Variants in GRM5 observed in about 807,000 individuals in gnomAD.
GRM5 encodes the protein metabotropic glutamate receptor 5.
Under a neutral mutation model 83.1 loss-of-function variants are expected in GRM5, and 19 were observed. That is an observed-to-expected ratio of 0.23 (90% CI 0.16 to 0.34). GRM5 has a LOEUF of 0.34. Ranked by LOEUF, GRM5 falls within the 10% of genes least tolerant of loss-of-function variation. The probability of loss-of-function intolerance (pLI) is 1.00; values close to 1 mark genes in which losing one functional copy is unlikely to be tolerated. For missense variants in GRM5, 1,160 were observed against 1,588.3 expected (o/e 0.73, Z 4.58); for synonymous variants, 675 against 633.6 (o/e 1.07, Z -0.98).
intron 3 of GRM5, among the ~76,000 whole-genome samples, chr11:88,824,790 T>A (rs868125392): frequency 2.6e-5 from 4 of 152,156 alleles, no homozygotes; most frequent in African/African-American, 9.7e-5. Context: ...TGGGGACCCC[T>A]GCTCTAAATA....
At chr11:88,974,881 T>C (rs1168261231) in intron 2 of GRM5, among the ~76,000 whole-genome samples, 2 of 152,172 alleles carry the variant, frequency 1.3e-5, no homozygotes, top group African/African-American at 2.4e-5. Flanking sequence ...TAATTAGGTG[T>C]AAGAAGTGAT....
chr11:88,748,914 A>C (rs1162047011), intron 3 of GRM5, among the ~76,000 whole-genome samples: 1 of 152,194 alleles, frequency 6.6e-6, no homozygotes, highest in Non-Finnish European at 1.5e-5. Flanking sequence ...ACATCAACAG[A>C]GAAACCCCAC....
chr11:89,026,704 A>G (rs1227868999), intron 2 of GRM5, among the ~76,000 whole-genome samples: 1 of 152,232 alleles, frequency 6.6e-6, no homozygotes, highest in Non-Finnish European at 1.5e-5. Context: ...ATTATTTCTC[A>G]TATTCTAAGC....
intron 2 of GRM5, among the ~76,000 whole-genome samples, chr11:89,022,471 T>C (rs1228916471): frequency 2.3e-5 from 3 of 130,848 alleles, no homozygotes; most frequent in Non-Finnish European, 3.2e-5. Context: ...TGAAACTCCG[T>C]CCCTACTAAA....
At position 88,605,011 on chromosome 11, in the gene GRM5, T is replaced by G. The variant is rs202069591; in HGVS notation, c.1148-47A>C. ...ATAGCTTTGAGGTACAAATCTACTCTCGCGACATTCCTGGGTACTGAATAA... is the reference window on the plus strand; with the variant it reads ...ATAGCTTTGAGGTACAAATCTACTCGCGCGACATTCCTGGGTACTGAATAA... On this transcript the variant is annotated intron_variant, in intron 4 of 9. Coordinates refer to ENST00000305447, the MANE Select transcript of GRM5 (RefSeq NM_001143831.3). The G allele has an allele frequency of 2.6e-6, 4 of 1,512,212 alleles. No individual in the cohort carries two copies. The Admixed American group carries it at 5.0e-5, about 19-fold the overall frequency. 93.7% of individuals were successfully genotyped at this position (1,512,212 alleles called of 1,614,324 possible). A position where few individuals can be genotyped will look rare whatever the true frequency, so the allele number is the denominator to read the frequency against.
chr11:88,702,189 T>C (rs1262403422), intron 3 of GRM5, among the ~76,000 whole-genome samples: 1 of 152,124 alleles, frequency 6.6e-6, no homozygotes, highest in Non-Finnish European at 1.5e-5. Context: ...TAACTATATC[T>C]ACCATATAGC....
intron 2 of GRM5, among the ~76,000 whole-genome samples, chr11:88,981,050 G>T (rs1446085598): frequency 6.6e-6 from 1 of 151,814 alleles, no homozygotes; most frequent in Admixed American, 6.6e-5. Context: ...CTATGGTTAG[G>T]AACTATTTTT....
chr11:89,045,091 C>G (rs1222108921), intron 2 of GRM5, among the ~76,000 whole-genome samples: 1 of 152,212 alleles, frequency 6.6e-6, no homozygotes, highest in Non-Finnish European at 1.5e-5. Flanking sequence ...AGTAAGCAAA[C>G]GAGTATTTCT....
intron 2 of GRM5, among the ~76,000 whole-genome samples, chr11:89,038,777 C>A (rs1026183081): frequency 6.6e-6 from 1 of 152,168 alleles, no homozygotes; most frequent in Admixed American, 6.5e-5. Context: ...TCCTACTTTT[C>A]CTTGGAGCCA....
At chr11:88,587,812 T>A (rs942340550) in intron 7 of GRM5, among the ~76,000 whole-genome samples, 12 of 152,198 alleles carry the variant, frequency 7.9e-5, no homozygotes, top group African/African-American at 2.9e-4. Context: ...CATGCTTTTT[T>A]AATCCAATCA....
intron 2 of GRM5, among the ~76,000 whole-genome samples, chr11:89,029,799 G>A (rs2135122971): frequency 6.6e-6 from 1 of 152,146 alleles, no homozygotes; most frequent in African/African-American, 2.4e-5. Flanking sequence ...CTACTAAATT[G>A]TTTACAAAAC....
intron 6 of GRM5, among the ~76,000 whole-genome samples, chr11:88,596,889 A>C (rs1160602698): frequency 6.6e-6 from 1 of 152,036 alleles, no homozygotes; most frequent in African/African-American, 2.4e-5. Flanking sequence ...AATAAATTAG[A>C]ATTAGTGTCT....
chr11:88,984,822 CA>C (rs1485056391), intron 2 of GRM5: 1 of 739,374 alleles, frequency 1.4e-6, no homozygotes, highest in Non-Finnish European at 2.5e-6. Flanking sequence ...TCCAGGGCAT[CA>C]TATACTAAAG....
intron 7 of GRM5, among the ~76,000 whole-genome samples, chr11:88,580,488 AT>A (rs1198586618): frequency 4.6e-5 from 7 of 152,114 alleles, no homozygotes; most frequent in Non-Finnish European, 1.0e-4. Context: ...TGGGAAGGTT[AT>A]TTTTTTATTT....
intron 7 of GRM5, among the ~76,000 whole-genome samples, chr11:88,573,332 A>C (rs995207266): frequency 1.3e-5 from 2 of 152,216 alleles, no homozygotes. Context: ...GTGACTCCTC[A>C]TTCACAGCTG....
chr11:88,640,330 T>A (rs1293802648), intron 4 of GRM5, among the ~76,000 whole-genome samples: 1 of 152,208 alleles, frequency 6.6e-6, no homozygotes, highest in East Asian at 1.9e-4. Context: ...ATGGTGCTAA[T>A]CAGTGTTAAA....
intron 6 of GRM5, among the ~76,000 whole-genome samples, chr11:88,592,518 C>T (rs1937665005): frequency 6.6e-6 from 1 of 152,142 alleles, no homozygotes; most frequent in South Asian, 2.1e-4. Flanking sequence ...CAAATAAAAG[C>T]AGTTGCATTT....
At chr11:89,030,361 T>C (rs937358956) in intron 2 of GRM5, among the ~76,000 whole-genome samples, 7 of 152,078 alleles carry the variant, frequency 4.6e-5, no homozygotes, top group Non-Finnish European at 1.0e-4. Context: ...AATCTCAAAA[T>C]ATCAACACCA....
chr11:89,055,465 A>G (rs1009454618), intron 1 of GRM5, among the ~76,000 whole-genome samples: 34 of 152,264 alleles, frequency 2.2e-4, no homozygotes, highest in African/African-American at 7.7e-4. Context: ...TTCATTACCA[A>G]GCTAATATTG....
Sources: allele counts gnomAD v4.1 joint callset (sites outside exome capture counted in the v4.1 genomes callset), GRCh38; gene constraint gnomAD v4.1.1; transcripts MANE v1.5; gene names NCBI Gene and HGNC (gene_info 2026-07-23, HGNC 2026-07-21).